Variants in CPAP observed in about 807,000 individuals in gnomAD.
The protein encoded by CPAP is centrosome assembly and centriole elongation protein, also known as centrosomal P4.1-associated protein.
the CPAP span, among the ~76,000 whole-genome samples, chr13:24,886,635 G>A: frequency 1.3e-5 from 2 of 152,176 alleles, no homozygotes; most frequent in Non-Finnish European, 2.9e-5. Context: ...TAGCAGGAGT[G>A]CTCTGTTTGG....
the CPAP span, chr13:24,933,201 T>C: frequency 8.3e-7 from 1 of 1,199,674 alleles, no homozygotes; most frequent in Non-Finnish European, 1.2e-6. Context: ...AACAGGGTCA[T>C]GGTTAGAAGA....
the CPAP span, among the ~76,000 whole-genome samples, chr13:24,923,973 C>T: frequency 8.5e-5 from 13 of 152,084 alleles, no homozygotes; most frequent in African/African-American, 3.1e-4. Flanking sequence ...GGATTACAGG[C>T]GCCCGCCACC....
chr13:24,924,176 C>A, the CPAP span, among the ~76,000 whole-genome samples: 1 of 152,000 alleles, frequency 6.6e-6, no homozygotes, highest in South Asian at 2.1e-4. Context: ...GAAGCTAAAG[C>A]CCGAGACTTC....
chr13:24,906,629 GGAGA>G, the CPAP span: 1 of 1,614,044 alleles, frequency 6.2e-7, no homozygotes, highest in Non-Finnish European at 8.5e-7. Flanking sequence ...CAATCCTGAC[GGAGA>G]AAGACTTTTC....
chr13:24,929,890 G>A, the CPAP span, among the ~76,000 whole-genome samples: 53 of 143,018 alleles, frequency 3.7e-4, no homozygotes, highest in South Asian at 6.7e-4. Flanking sequence ...TCTGTTGAGC[G>A]TCACTTGTGA....
At chr13:24,933,580 A>G in the CPAP span, 1 of 158,416 alleles carries the variant, frequency 6.3e-6, no homozygotes, top group Admixed American at 6.1e-5. Flanking sequence ...TCATCTTCGC[A>G]GTGTAGCTTG....
chr13:24,884,390 T>A, the CPAP span: 9 of 1,614,118 alleles, frequency 5.6e-6, no homozygotes, highest in East Asian at 1.8e-4. Context: ...GGTCTTCCCA[T>A]CTGCACTCAC....
the CPAP span, chr13:24,886,414 C>G: frequency 8.1e-7 from 1 of 1,238,864 alleles, no homozygotes; most frequent in South Asian, 1.3e-5. Context: ...TCCATTACAC[C>G]ATGGGAAATC....
At chr13:24,918,895 G>C in the CPAP span, among the ~76,000 whole-genome samples, 1 of 152,180 alleles carries the variant, frequency 6.6e-6, no homozygotes, top group Middle Eastern at 3.4e-3. Flanking sequence ...TGAAACTCAT[G>C]TTGTTCGAGA....
the CPAP span, chr13:24,899,524 A>C: frequency 6.2e-7 from 1 of 1,613,804 alleles, no homozygotes; most frequent in Admixed American, 1.7e-5. Context: ...CCTCCTTTTT[A>C]AACTCTTCTA....
chr13:24,919,840 G>A, the CPAP span, among the ~76,000 whole-genome samples: 3 of 152,262 alleles, frequency 2.0e-5, no homozygotes, highest in African/African-American at 4.8e-5. Flanking sequence ...CACGGCTCAC[G>A]GCAGCTTCAA....
At chr13:24,912,562 T>C in the CPAP span, 80 of 1,597,850 alleles carry the variant, frequency 5.0e-5, no homozygotes, top group East Asian at 1.7e-3. Context: ...AAATTCACAG[T>C]AGGCCAAATC....
chr13:24,908,079 C>T, the CPAP span: 2 of 1,613,114 alleles, frequency 1.2e-6, no homozygotes, highest in Non-Finnish European at 1.7e-6. Context: ...TTATCATTTG[C>T]TTCCTGAATC....
the CPAP span, among the ~76,000 whole-genome samples, chr13:24,900,928 A>AAGAGAAG: frequency 1.1e-4 from 16 of 152,292 alleles, no homozygotes; most frequent in Non-Finnish European, 1.8e-4. Context: ...AGGGAAGAAG[A>AAGAGAAG]AGAGAAGAGT....
the CPAP span, among the ~76,000 whole-genome samples, chr13:24,901,451 A>G: frequency 6.6e-6 from 1 of 152,224 alleles, no homozygotes; most frequent in Non-Finnish European, 1.5e-5. Flanking sequence ...GGGTGAGAAG[A>G]AGCCTCAGAT....
the CPAP span, among the ~76,000 whole-genome samples, chr13:24,900,672 G>A: frequency 2.0e-5 from 3 of 152,126 alleles, no homozygotes; most frequent in Admixed American, 2.0e-4. Context: ...GCCTTGATCA[G>A]ATGAACCGTC....
At chr13:24,897,308 A>T in the CPAP span, among the ~76,000 whole-genome samples, 1 of 152,246 alleles carries the variant, frequency 6.6e-6, no homozygotes, top group Non-Finnish European at 1.5e-5. Context: ...ATTTGTATCA[A>T]TGTACATACC....
At chr13:24,887,367 C>G in the CPAP span, among the ~76,000 whole-genome samples, 1 of 152,152 alleles carries the variant, frequency 6.6e-6, no homozygotes, top group East Asian at 1.9e-4. Flanking sequence ...AGCGGGTGGG[C>G]GAGCCAGCGA....
the CPAP span, among the ~76,000 whole-genome samples, chr13:24,891,283 A>C: frequency 1.3e-5 from 2 of 151,366 alleles, no homozygotes; most frequent in South Asian, 2.1e-4. Context: ...CTCCCTGCCT[A>C]CTCACAGCCC....
Sources: gnomAD v4.1 joint callset for allele counts (sites outside exome capture counted in the v4.1 genomes callset) on GRCh38, gnomAD v4.1.1 for gene constraint, MANE v1.5 for transcripts, NCBI Gene and HGNC (gene_info 2026-07-23, HGNC 2026-07-21) for gene names.